The following MFHAS1 variants were observed in gnomAD, a reference collection of about 807,000 sequenced individuals.
MFHAS1 encodes the protein malignant fibrous histiocytoma-amplified sequence 1.
In MFHAS1, 50 loss-of-function variants were observed where a neutral mutation model predicts 70.4. The ratio of observed to expected loss-of-function variants is 0.71; its 90% confidence interval spans 0.57 to 0.90. The LOEUF (loss-of-function observed/expected upper bound fraction) is 0.90, where lower values mean the gene tolerates loss of function less well. Among genes scored for constraint, MFHAS1 ranks in the 40% least tolerant of loss-of-function variants. MFHAS1 has a pLI of 0.00. For synonymous variants in MFHAS1, 952 were observed against 620.0 expected (o/e 1.54, Z -7.96); for missense variants, 1,795 against 1,347.6 (o/e 1.33, Z -5.20).
intron 2 of MFHAS1, among the ~76,000 whole-genome samples, chr8:8,789,429 G>A (rs532651930): frequency 9.2e-5 from 14 of 152,274 alleles, no homozygotes; most frequent in South Asian, 8.3e-4. Context: ...ATGATGCCAC[G>A]TGAGACATTG....
chr8:8,829,433 C>G (rs1807285937), intron 1 of MFHAS1, among the ~76,000 whole-genome samples: 1 of 152,238 alleles, frequency 6.6e-6, no homozygotes. Flanking sequence ...GTAATCAGAG[C>G]ACGTTGGGAG....
At chr8:8,789,081 C>T (rs1338380670) in intron 2 of MFHAS1, among the ~76,000 whole-genome samples, 2 of 151,854 alleles carry the variant, frequency 1.3e-5, no homozygotes, top group Non-Finnish European at 2.9e-5. Flanking sequence ...AGAGAGCAGG[C>T]AGCCAGCTGA....
chr8:8,875,346 T>C (rs570586065), intron 1 of MFHAS1, among the ~76,000 whole-genome samples: 1 of 152,252 alleles, frequency 6.6e-6, no homozygotes, highest in African/African-American at 2.4e-5. Flanking sequence ...TAAACAAAGG[T>C]GAAAAATCAC....
chr8:8,804,907 C>A (rs73664811), intron 1 of MFHAS1, among the ~76,000 whole-genome samples: 2,013 of 152,114 alleles, frequency 0.013, 48 homozygotes, highest in African/African-American at 0.045. Flanking sequence ...AGAAGACGAT[C>A]GTCCTGACAG....
chr8:8,790,884 G>A (rs1410350942), intron 2 of MFHAS1, among the ~76,000 whole-genome samples: 2 of 152,136 alleles, frequency 1.3e-5, no homozygotes, highest in African/African-American at 4.8e-5. Flanking sequence ...CGATGTTACT[G>A]CCAAAATTCC....
chr8:8,880,091 G>A (rs1300361701), intron 1 of MFHAS1, among the ~76,000 whole-genome samples: 5 of 152,196 alleles, frequency 3.3e-5, no homozygotes, highest in Non-Finnish European at 5.9e-5. Flanking sequence ...CAGACCAGGA[G>A]GCTTGGATGC....
At chr8:8,854,654 C>T (rs1199496947) in intron 1 of MFHAS1, among the ~76,000 whole-genome samples, 1 of 149,860 alleles carries the variant, frequency 6.7e-6, no homozygotes, top group African/African-American at 2.5e-5. Flanking sequence ...CACTGCACTC[C>T]AGCCTGGATG....
chr8:8,796,690 A>C (rs1805910366), intron 2 of MFHAS1, among the ~76,000 whole-genome samples: 1 of 115,440 alleles, frequency 8.7e-6, no homozygotes. Context: ...TCTCAAAACA[A>C]AAAAAAAAAA....
At chr8:8,824,714 T>C (rs1371730673) in intron 1 of MFHAS1, among the ~76,000 whole-genome samples, 1 of 152,144 alleles carries the variant, frequency 6.6e-6, no homozygotes, top group Admixed American at 6.5e-5. Context: ...GTAGTCCAGA[T>C]GGGTTTAGCG....
At chr8:8,869,585 T>A (rs1419065972) in intron 1 of MFHAS1, among the ~76,000 whole-genome samples, 1 of 152,178 alleles carries the variant, frequency 6.6e-6, no homozygotes, top group African/African-American at 2.4e-5. Flanking sequence ...TCACCTGGTA[T>A]CCATCATAAG....
At position 8,886,716 on chromosome 8, in the gene MFHAS1, C is replaced by T. The variant is rs532327367; in HGVS notation, c.2998+3345G>A. On this transcript the variant is annotated intron_variant, in intron 1 of 2. Coordinates refer to ENST00000276282, the MANE Select transcript of MFHAS1 (RefSeq NM_004225.3). ...TCCCAAAGTTAAGAAAATTCAAAGT[C>T]CAACTTTTTCAGCGTTGCATATAAA... Among the ~76,000 whole-genome samples the T allele has an allele frequency of 2.0e-5, 3 of 152,226 alleles. No individual in the cohort carries two copies. In the East Asian group the frequency reaches 5.8e-4, roughly 29 times the overall value.
intron 1 of MFHAS1, among the ~76,000 whole-genome samples, chr8:8,866,127 A>T (rs1331891420): frequency 6.6e-6 from 1 of 152,168 alleles, no homozygotes; most frequent in Non-Finnish European, 1.5e-5. Flanking sequence ...CTAAGCAGGA[A>T]GAATACAGAA....
chr8:8,868,549 T>A (rs1215778334), intron 1 of MFHAS1, among the ~76,000 whole-genome samples: 1 of 151,870 alleles, frequency 6.6e-6, no homozygotes, highest in East Asian at 1.9e-4. Context: ...TCATCCCAAT[T>A]TGGAGCTACT....
intron 1 of MFHAS1, among the ~76,000 whole-genome samples, chr8:8,815,565 G>T (rs1806710734): frequency 6.6e-6 from 1 of 152,154 alleles, no homozygotes; most frequent in East Asian, 1.9e-4. Flanking sequence ...CATTCTGACT[G>T]GTGTGAGATG....
chr8:8,849,944 T>C (rs552035779), intron 1 of MFHAS1, among the ~76,000 whole-genome samples: 29 of 152,368 alleles, frequency 1.9e-4, no homozygotes, highest in African/African-American at 7.0e-4. Flanking sequence ...AAGAAGCTGC[T>C]AGACTTTCTC....
rs1408346789 is a variant in MFHAS1, at chr8:8,891,513, C to A, written c.1546G>T (p.Val516Leu). ...TYEPRHFPTT[V>L]GSFLHRVGAR... ...CCGACCCGATGCAAGAAGGAGCCCA[C>A]GGTGGTAGGAAAGTGGCGAGGCTCA... Residue 516 changes from valine to leucine, a missense_variant, in exon 1 of 3, where the codon GTG becomes TTG. Val to Leu is a conservative substitution (Grantham distance 32, BLOSUM62 1). Transcript: ENST00000276282. The surrounding 1 kb of genome is among the most constrained non-coding windows in gnomAD (Gnocchi z 5.4). 1.2e-6 allele frequency: 2 copies of A among 1,612,948 alleles called. No homozygotes were observed. The highest frequency in any genetic ancestry group is 1.7e-6 in the Non-Finnish European group (2 of 1,180,038).
intron 1 of MFHAS1, among the ~76,000 whole-genome samples, chr8:8,857,952 A>G (rs1453388753): frequency 2.0e-5 from 3 of 152,188 alleles, no homozygotes; most frequent in Non-Finnish European, 4.4e-5. Context: ...AATTTTGGGG[A>G]AACCTTTTTC....
At chr8:8,844,609 C>A (rs747161113) in intron 1 of MFHAS1, among the ~76,000 whole-genome samples, 13 of 152,214 alleles carry the variant, frequency 8.5e-5, no homozygotes, top group African/African-American at 3.1e-4. Flanking sequence ...CGGGAAGCTC[C>A]GCAAGGTCAG....
intron 1 of MFHAS1, among the ~76,000 whole-genome samples, chr8:8,833,185 G>C (rs892248567): frequency 1.4e-4 from 21 of 152,100 alleles, no homozygotes; most frequent in East Asian, 3.8e-4. Context: ...CACCATTAGA[G>C]ACCACCCCCT....
Sources: gnomAD v4.1 joint callset for allele counts (sites outside exome capture counted in the v4.1 genomes callset) on GRCh38, gnomAD v4.1.1 for gene constraint, Gnocchi (gnomAD v3.1) non-coding constraint, MANE v1.5 for transcripts, NCBI Gene and HGNC (gene_info 2026-07-23, HGNC 2026-07-21) for gene names.